ZNF268: variants seen among roughly 807,000 people sequenced by gnomAD.
The protein encoded by ZNF268 is zinc finger protein 268.
Under a neutral mutation model 29.3 loss-of-function variants are expected in ZNF268, and 20 were observed. That is an observed-to-expected ratio of 0.68 (90% CI 0.48 to 0.99). The LOEUF (loss-of-function observed/expected upper bound fraction) is 0.99, where lower values mean the gene tolerates loss of function less well. ZNF268 is among the 50% of genes least tolerant of loss of function. The probability of loss-of-function intolerance (pLI) is 0.00; values close to 1 mark genes in which losing one functional copy is unlikely to be tolerated. For synonymous variants in ZNF268, 429 were observed against 376.9 expected, an observed-to-expected ratio of 1.14 and a Z score of -1.60; for missense variants, 1,240 against 1,121.6, an observed-to-expected ratio of 1.11 and a Z score of -1.51.
intron 5 of ZNF268, among the ~76,000 whole-genome samples, chr12:133,192,748 C>G (rs1956505914): frequency 1.3e-5 from 2 of 152,028 alleles, no homozygotes; most frequent in African/African-American, 4.8e-5. Context: ...CGGCTCACTG[C>G]AAGCTCTGCC....
At chr12:133,193,610 A>C (rs540131525) in intron 5 of ZNF268, 1 of 538,932 alleles carries the variant, frequency 1.9e-6, no homozygotes, top group African/African-American at 1.9e-5. Flanking sequence ...AGAAACGACT[A>C]ATCCATTCAT....
chr12:133,187,574 G>A (rs1324187818), intron 2 of ZNF268, among the ~76,000 whole-genome samples: 1 of 152,066 alleles, frequency 6.6e-6, no homozygotes, highest in Admixed American at 6.6e-5. Context: ...ACGCCATTTG[G>A]TTTGTGGCAG....
At chr12:133,189,209 A>T (rs1342571269) in intron 3 of ZNF268, among the ~76,000 whole-genome samples, 1 of 145,492 alleles carries the variant, frequency 6.9e-6, no homozygotes, top group Non-Finnish European at 1.5e-5. Flanking sequence ...TCAGTGTCTT[A>T]ATTCCTTTTT....
chr12:133,204,143 G>A lies in ZNF268; in HGVS notation c.2457G>A (p.Trp819Ter). Residue 819 changes from tryptophan (W) to a stop codon, truncating the protein, a stop_gained, in exon 6 of 6, where the codon TGG (tryptophan) becomes TGA (stop). Coordinates refer to ENST00000536435, the MANE Select transcript of ZNF268 (RefSeq NM_003415.3). LOFTEE classifies it low-confidence loss of function (END_TRUNC). ...ECNECGKAFI[W>*]KSLLIVHERT... is the part of the protein sequence containing the mutation. The stretch of plus-strand genomic sequence containing the variant: ...ATGAATGTGGGAAAGCCTTCATTTG[G>A]AAATCACTACTCATTGTACATGAGC... 1 of 1,543,328 alleles carries A rather than the reference G, an allele frequency of 6.5e-7. No individual in the cohort carries two copies. Among genetic ancestry groups the A allele is most frequent in the Non-Finnish European group, 8.7e-7 (1 of 1,147,410 alleles).
At position 133,211,831 on chromosome 12, in the gene ZNF268, G is replaced by A. The variant is rs1566396514; in HGVS notation, c.*7301G>A. 6.6e-6 allele frequency: 1 copy of A among 152,176 alleles called. No homozygotes were observed. Among genetic ancestry groups the A allele is most frequent in the Non-Finnish European group, 1.5e-5 (1 of 68,032 alleles). 9.4% of individuals were successfully genotyped at this position (152,176 alleles called of 1,614,324 possible). ...TGACTTTTCCCCAAAGCTAAACAAAGCTTCACAATATGAGCCAACAATCAC... is the reference window on the plus strand; with the variant it reads ...TGACTTTTCCCCAAAGCTAAACAAAACTTCACAATATGAGCCAACAATCAC... On this transcript the variant is annotated 3_prime_UTR_variant, in exon 6 of 6. Coordinates refer to ENST00000536435, the MANE Select transcript of ZNF268 (RefSeq NM_003415.3).
At position 133,212,124 on chromosome 12, in the gene ZNF268, G is replaced by C. The variant is rs1435286996; in HGVS notation, c.*7594G>C. The C allele has an allele frequency of 6.6e-6, 1 of 152,144 alleles. No individual in the cohort carries two copies. Among genetic ancestry groups the C allele is most frequent in the Non-Finnish European group, 1.5e-5 (1 of 68,028 alleles). 9.4% of individuals were successfully genotyped at this position (152,144 alleles called of 1,614,324 possible). On this transcript the variant is annotated 3_prime_UTR_variant, in exon 6 of 6. Transcript: ENST00000536435. ...TGAAAGAGACCAGTGTGAAAAGGCTGTATGATCCTATTTCTATGATGTTAT... is the reference window on the plus strand; with the variant it reads ...TGAAAGAGACCAGTGTGAAAAGGCTCTATGATCCTATTTCTATGATGTTAT...
chr12:133,194,015 G>C (rs753042072), intron 5 of ZNF268, among the ~76,000 whole-genome samples: 1 of 152,058 alleles, frequency 6.6e-6, no homozygotes, highest in Non-Finnish European at 1.5e-5. Flanking sequence ...TTGGTACAGT[G>C]TTGTTAGCAT....
intron 5 of ZNF268, among the ~76,000 whole-genome samples, chr12:133,196,247 AG>A (rs60025131): frequency 0.35 from 50,897 of 146,504 alleles, 9,181 homozygotes; most frequent in African/African-American, 0.42. Flanking sequence ...GCTTGAACCT[AG>A]GGGGCGAAGA....
Position 133,202,471 on chromosome 12 carries a change from C to A in ZNF268, c.785C>A (p.Ser262Ter). Residue 262 changes from serine (S) to a stop codon, truncating the protein, a stop_gained, in exon 6 of 6, where the codon TCG (serine) becomes TAG (stop). Coordinates refer to ENST00000536435, the MANE Select transcript of ZNF268 (RefSeq NM_003415.3). LOFTEE classifies it low-confidence loss of function (END_TRUNC). ...TCTGGAAAAACCGTCAATAAGAAAT[C>A]GCAACTTATGTGCCAACAAATGTAT... ...IESGKTVNKKSQLMCQQMYMG... is the reference protein window; with the variant it reads ...IESGKTVNKK The A allele has an allele frequency of 6.2e-7, 1 of 1,611,754 alleles. No individual in the cohort carries two copies. Among genetic ancestry groups the A allele is most frequent in the Non-Finnish European group, 8.5e-7 (1 of 1,178,834 alleles).
Position 133,213,838 on chromosome 12 carries a change from A to C in ZNF268, c.*9308A>C, listed in dbSNP as rs1593947144. The C allele has an allele frequency of 6.6e-6, 1 of 152,304 alleles. No homozygotes were observed. Among genetic ancestry groups the C allele is most frequent in the South Asian group, 2.1e-4 (1 of 4,828 alleles). The allele number at this position is 152,304 out of a possible 1,614,324, so 9.4% of individuals were successfully genotyped here. The stretch of plus-strand genomic sequence containing the variant: ...TGTGGTGAAACCCTGTCTCTACAAA[A>C]AAATACAAAAAATTAGCCAGGCTGG... On this transcript the variant is annotated 3_prime_UTR_variant, in exon 6 of 6. Coordinates refer to ENST00000536435, the MANE Select transcript of ZNF268 (RefSeq NM_003415.3).
intron 2 of ZNF268, among the ~76,000 whole-genome samples, chr12:133,183,832 T>A (rs1956237124): frequency 6.6e-6 from 1 of 151,970 alleles, no homozygotes; most frequent in South Asian, 2.1e-4. Flanking sequence ...GGGGAAGAGG[T>A]GTTGAAGACT....
intron 3 of ZNF268, among the ~76,000 whole-genome samples, chr12:133,189,589 GTA>G (rs1309605854): frequency 6.6e-6 from 1 of 152,146 alleles, no homozygotes; most frequent in Non-Finnish European, 1.5e-5. Context: ...TATTGACCAT[GTA>G]TCCTGTGACC....
In ZNF268 at chr12:133,205,175, C is replaced by CAAAAA. The variant is rs1343948566; in HGVS notation, c.*647_*648insAAAAA. 6.0e-4 allele frequency: 13 copies of CAAAAA among 21,778 alleles called. No homozygotes were observed. The highest frequency in any genetic ancestry group is 8.4e-4 in the African/African-American group (9 of 10,674). The allele number at this position is 21,778 out of a possible 1,614,324, so 1.3% of individuals were successfully genotyped here. A position where few individuals can be genotyped will look rare whatever the true frequency, so the allele number is the denominator to read the frequency against. ...AAAAAAAAAAAAAAAAAAAAAAAAC[C>CAAAAA]AACCTGTTATTATATCTTAATATTA... is the stretch of plus-strand genomic sequence containing the variant. On this transcript the variant is annotated 3_prime_UTR_variant, in exon 6 of 6. Coordinates refer to ENST00000536435, the MANE Select transcript of ZNF268 (RefSeq NM_003415.3).
At chr12:133,199,529 A>G (rs1004933232) in intron 5 of ZNF268, among the ~76,000 whole-genome samples, 10 of 151,834 alleles carry the variant, frequency 6.6e-5, no homozygotes. Context: ...CGGCTTTGGT[A>G]TCAGGATGAT....
chr12:133,207,264 TAGG>T lies in ZNF268; in HGVS notation c.*2737_*2739del, dbSNP rs1956914755. The T allele has an allele frequency of 6.6e-6, 1 of 152,050 alleles. No individual in the cohort carries two copies. Among genetic ancestry groups the T allele is most frequent in the Admixed American group, 6.6e-5 (1 of 15,260 alleles). 9.4% of individuals were successfully genotyped at this position (152,050 alleles called of 1,614,324 possible). Reference sequence around the variant, plus strand: ...ACAACTTCCCCATCAAATAGAAATTTAGGAGAAAAAATGACTTGCAAACCATAT... The same window carrying T: ...ACAACTTCCCCATCAAATAGAAATTTAGAAAAAATGACTTGCAAACCATAT... On this transcript the variant is annotated 3_prime_UTR_variant, in exon 6 of 6. Transcript: ENST00000536435.
At chr12:133,186,512 T>C (rs534995734) in intron 2 of ZNF268, among the ~76,000 whole-genome samples, 7 of 152,034 alleles carry the variant, frequency 4.6e-5, no homozygotes, top group African/African-American at 7.2e-5. Flanking sequence ...TAGCTGGGGC[T>C]ACAGGTGTAC....
intron 5 of ZNF268, among the ~76,000 whole-genome samples, chr12:133,200,099 A>C (rs1956714304): frequency 6.6e-6 from 1 of 151,780 alleles, no homozygotes; most frequent in Non-Finnish European, 1.5e-5. Context: ...TTGCTTTTCT[A>C]GTTCTTTTAA....
chr12:133,183,195 A>G (rs1338366767), intron 2 of ZNF268, among the ~76,000 whole-genome samples: 1 of 152,226 alleles, frequency 6.6e-6, no homozygotes, highest in African/African-American at 2.4e-5. Flanking sequence ...TGTCCTCCAC[A>G]AAACGAGTCC....
intron 2 of ZNF268, among the ~76,000 whole-genome samples, chr12:133,186,269 G>A (rs913438811): frequency 6.6e-6 from 1 of 152,034 alleles, no homozygotes; most frequent in African/African-American, 2.4e-5. Flanking sequence ...TCTTGAGGCA[G>A]AGATTCTAGG....
Sources: allele counts gnomAD v4.1 joint callset (sites outside exome capture counted in the v4.1 genomes callset), GRCh38; gene constraint gnomAD v4.1.1; transcripts MANE v1.5; gene names NCBI Gene and HGNC (gene_info 2026-07-23, HGNC 2026-07-21).